The following TTC17 variants were observed in gnomAD, a reference collection of about 807,000 sequenced individuals.
TTC17 encodes the protein tetratricopeptide repeat protein 17.
TTC17 carries 58 observed loss-of-function variants against 143.8 expected under a neutral mutation model. That is an observed-to-expected ratio of 0.40 (90% CI 0.33 to 0.50). The LOEUF (loss-of-function observed/expected upper bound fraction) is 0.50. TTC17 is among the 20% of genes least tolerant of loss of function. TTC17 has a pLI of 0.49. For synonymous variants in TTC17, 501 were observed against 497.8 expected (o/e 1.01, Z -0.09); for missense variants, 1,273 against 1,392.5 (o/e 0.91, Z 1.37).
At chr11:43,428,791 C>T (rs1465008466) in intron 16 of TTC17, among the ~76,000 whole-genome samples, 2 of 152,206 alleles carry the variant, frequency 1.3e-5, no homozygotes, top group East Asian at 3.9e-4. Flanking sequence ...CACACATACA[C>T]ATTCATATTT....
At chr11:43,473,173 TAA>T (rs879435792) in intron 21 of TTC17, among the ~76,000 whole-genome samples, 8 of 138,122 alleles carry the variant, frequency 5.8e-5, no homozygotes, top group East Asian at 2.1e-4. Context: ...AGACTCCATC[TAA>T]AAAAAAAAAA....
intron 10 of TTC17, among the ~76,000 whole-genome samples, chr11:43,403,484 G>T (rs1663417554): frequency 6.6e-6 from 1 of 152,126 alleles, no homozygotes. Flanking sequence ...GTATATGTTT[G>T]TGTTCTCTCA....
chr11:43,457,041 G>C (rs1228031238), intron 21 of TTC17, among the ~76,000 whole-genome samples: 1 of 152,088 alleles, frequency 6.6e-6, no homozygotes, highest in East Asian at 1.9e-4. Context: ...ACTGAAGTGA[G>C]CTGGGGATCT....
chr11:43,384,862 A>AT (rs1463903075), intron 2 of TTC17, among the ~76,000 whole-genome samples: 1 of 152,186 alleles, frequency 6.6e-6, no homozygotes, highest in Non-Finnish European at 1.5e-5. Context: ...AATGCAAAAA[A>AT]TTTTTTTAAA....
At chr11:43,419,994 C>T (rs998137744) in intron 16 of TTC17, among the ~76,000 whole-genome samples, 1 of 152,182 alleles carries the variant, frequency 6.6e-6, no homozygotes, top group Non-Finnish European at 1.5e-5. Flanking sequence ...AGATGTACTT[C>T]TGTGTATGTA....
intron 1 of TTC17, among the ~76,000 whole-genome samples, chr11:43,364,857 G>C (rs1210151192): frequency 1.3e-5 from 2 of 152,132 alleles, no homozygotes. Flanking sequence ...CCAGGCTGGA[G>C]TACAGTGGCG....
intron 2 of TTC17, among the ~76,000 whole-genome samples, chr11:43,386,182 AT>A (rs1565137667): frequency 6.6e-6 from 1 of 151,942 alleles, no homozygotes; most frequent in African/African-American, 2.4e-5. Context: ...AAAAAAAAAA[AT>A]TTCCTATGCA....
chr11:43,435,760 T>G (rs1947278067), intron 16 of TTC17, among the ~76,000 whole-genome samples: 1 of 152,236 alleles, frequency 6.6e-6, no homozygotes, highest in African/African-American at 2.4e-5. Context: ...AAAAATAGTA[T>G]TTTTCTCTGC....
intron 23 of TTC17, among the ~76,000 whole-genome samples, chr11:43,493,105 T>C (rs1948500772): frequency 6.6e-6 from 1 of 152,232 alleles, no homozygotes; most frequent in African/African-American, 2.4e-5. Context: ...TTTGCTACTA[T>C]GAACGAGGAC....
At chr11:43,403,521 C>CT (rs949627681) in intron 10 of TTC17, among the ~76,000 whole-genome samples, 1 of 152,134 alleles carries the variant, frequency 6.6e-6, no homozygotes, top group Non-Finnish European at 1.5e-5. Context: ...ACCCTCAAAA[C>CT]TTTTCTTTGT....
intron 21 of TTC17, among the ~76,000 whole-genome samples, chr11:43,454,119 A>C (rs888425990): frequency 6.6e-6 from 1 of 152,228 alleles, no homozygotes; most frequent in African/African-American, 2.4e-5. Flanking sequence ...TGGTGAGAGA[A>C]TAGGAGAATA....
intron 2 of TTC17, among the ~76,000 whole-genome samples, chr11:43,383,429 G>A (rs746830445): frequency 1.3e-5 from 2 of 152,092 alleles, no homozygotes; most frequent in Admixed American, 6.5e-5. Flanking sequence ...TCAGCTCACT[G>A]CAGCCTCCGC....
At chr11:43,442,277 A>G (rs574497361) in intron 16 of TTC17, among the ~76,000 whole-genome samples, 42 of 152,320 alleles carry the variant, frequency 2.8e-4, no homozygotes, top group African/African-American at 7.0e-4. Flanking sequence ...GTGCATGGCT[A>G]TAATACCATG....
At position 43,450,219 on chromosome 11, in the gene TTC17, CAG is replaced by C; in HGVS notation, c.2925_2926del (p.Gln979ValfsTer19). ...TCCAACCGAGCCAGCCTGCACTACA[CAG>C]GGGAGAGTCAGTTAACAGAGGTGAG... On this transcript the variant is annotated frameshift_variant, in exon 20 of 24. Coordinates refer to ENST00000039989, the MANE Select transcript of TTC17 (RefSeq NM_018259.6). LOFTEE classifies it high-confidence loss of function. The C allele has an allele frequency of 1.2e-6, 2 of 1,613,998 alleles. No homozygotes were observed. Among genetic ancestry groups the C allele is most frequent in the Non-Finnish European group, 1.7e-6 (2 of 1,179,934 alleles).
In TTC17 at chr11:43,492,158, G is replaced by A. The variant is rs1004200702; in HGVS notation, c.3289G>A (p.Ala1097Thr). The A allele has an allele frequency of 1.2e-6, 2 of 1,613,832 alleles. No individual in the cohort carries two copies. Among genetic ancestry groups the A allele is most frequent in the African/African-American group, 1.3e-5 (1 of 74,900 alleles). Residue 1097 changes from alanine to threonine, a missense_variant, in exon 23 of 24, where the codon GCA becomes ACA. Transcript: ENST00000039989. ...NHFTLGNVYV[A>T]MEEFEKALVW... is the part of the protein sequence containing the mutation. ...CTTCACTCTGGGCAATGTCTACGTG[G>A]CAATGGTGAGATGGGGGTGTGAGCA...
intron 17 of TTC17, 39 bp downstream of exon 17, chr11:43,443,623 A>G (rs1947473135): frequency 1.9e-6 from 3 of 1,577,338 alleles, no homozygotes; most frequent in South Asian, 2.4e-5. Context: ...ATTGTAGCCC[A>G]TGCCTTTCAG....
chr11:43,393,222 G>C (rs1857454615), intron 5 of TTC17, among the ~76,000 whole-genome samples: 1 of 152,154 alleles, frequency 6.6e-6, no homozygotes, highest in African/African-American at 2.4e-5. Flanking sequence ...AGTCCCACAA[G>C]GCTACCTGCA....
intron 21 of TTC17, among the ~76,000 whole-genome samples, chr11:43,464,213 G>C (rs1947926794): frequency 6.6e-6 from 1 of 151,876 alleles, no homozygotes; most frequent in African/African-American, 2.4e-5. Flanking sequence ...CTGGGAGGCA[G>C]AGGTTGCAGT....
intron 21 of TTC17, among the ~76,000 whole-genome samples, chr11:43,482,289 T>A (rs1447284151): frequency 6.6e-6 from 1 of 151,732 alleles, no homozygotes; most frequent in East Asian, 1.9e-4. Context: ...AATATAAGCT[T>A]GTATTATTGA....
Sources: allele counts gnomAD v4.1 joint callset (sites outside exome capture counted in the v4.1 genomes callset), GRCh38; gene constraint gnomAD v4.1.1; transcripts MANE v1.5; gene names NCBI Gene and HGNC (gene_info 2026-07-23, HGNC 2026-07-21).